TTC3: variants seen among roughly 807,000 people sequenced by gnomAD.
TTC3 encodes tetratricopeptide repeat domain 3.
A neutral mutation model predicts 249.6 loss-of-function variants in TTC3; 180 were observed. The ratio of observed to expected loss-of-function variants is 0.72; its 90% confidence interval spans 0.64 to 0.82. TTC3 has a LOEUF of 0.82. Ranked by LOEUF, TTC3 falls within the 40% of genes least tolerant of loss-of-function variation. TTC3 has a pLI of 0.00. For missense variants in TTC3, 2,061 were observed against 2,398.4 expected (o/e 0.86, Z 2.94); for synonymous variants, 717 against 805.0 (o/e 0.89, Z 1.85).
intron 7 of TTC3, 66 bp downstream of exon 7, chr21:37,091,479 T>A (rs2073254617): frequency 7.2e-7 from 1 of 1,390,160 alleles, no homozygotes; most frequent in South Asian, 1.5e-5. Flanking sequence ...AAATGAGATA[T>A]GTAGTTAAGT....
intron 1 of TTC3, chr21:37,082,548 C>G: frequency 1.0e-6 from 1 of 985,264 alleles, no homozygotes; most frequent in Non-Finnish European, 1.2e-6. Flanking sequence ...TGCTTCTGGC[C>G]CAGGGCTCAG....
chr21:37,200,883 G>A (rs1191463186), intron 45 of TTC3, among the ~76,000 whole-genome samples: 3 of 152,146 alleles, frequency 2.0e-5, no homozygotes, highest in African/African-American at 4.8e-5. Context: ...CCCTTGGAAC[G>A]GGATAAATAC....
Position 37,159,815 on chromosome 21 carries a change from AG to A in TTC3, c.3039+72del. Reference sequence around the variant, plus strand: ...TAAACCAAGGATGAGAAGGGGACCCAGGCCAGTGTTTATTGACATCACAGCC... The same window carrying A: ...TAAACCAAGGATGAGAAGGGGACCCAGCCAGTGTTTATTGACATCACAGCC... On this transcript the variant is annotated intron_variant, in intron 29 of 45. Coordinates refer to ENST00000355666, the Ensembl canonical transcript of TTC3. The A allele has an allele frequency of 2.0e-6, 3 of 1,465,916 alleles. No individual in the cohort carries two copies. The South Asian group carries it at 3.4e-5, about 17-fold the overall frequency. The allele number at this position is 1,465,916 out of a possible 1,614,324, so 90.8% of individuals were successfully genotyped here.
At chr21:37,182,321 T>G (rs970178465) in intron 35 of TTC3, among the ~76,000 whole-genome samples, 1 of 152,220 alleles carries the variant, frequency 6.6e-6, no homozygotes, top group African/African-American at 2.4e-5. Context: ...CAAAGAGGTT[T>G]TCATTTCTCT....
chr21:37,182,100 T>C (rs1303676709), intron 35 of TTC3, among the ~76,000 whole-genome samples: 3 of 152,194 alleles, frequency 2.0e-5, no homozygotes, highest in Non-Finnish European at 1.5e-5. Flanking sequence ...ATGTTTTACT[T>C]ATAAGTGACT....
At chr21:37,150,191 CT>C in intron 24 of TTC3, 21 bp downstream of exon 24, 2 of 1,555,878 alleles carry the variant, frequency 1.3e-6, no homozygotes, top group Non-Finnish European at 1.8e-6. Flanking sequence ...AAGGGGAAAC[CT>C]TGTTAGATAG....
At chr21:37,194,681 A>G (rs2084649604) in intron 41 of TTC3, 1 of 152,212 alleles carries the variant, frequency 6.6e-6, no homozygotes, top group Non-Finnish European at 1.5e-5. Flanking sequence ...TATTGTGAAG[A>G]AGGAAAAAGA....
chr21:37,074,491 G>A (rs1391569644), intron 1 of TTC3, among the ~76,000 whole-genome samples: 1 of 152,160 alleles, frequency 6.6e-6, no homozygotes, highest in Non-Finnish European at 1.5e-5. Context: ...CGGTCCTTAG[G>A]CGTTCTTGAT....
intron 35 of TTC3, among the ~76,000 whole-genome samples, chr21:37,178,682 A>G (rs1255131810): frequency 1.3e-5 from 2 of 152,320 alleles, no homozygotes; most frequent in African/African-American, 4.8e-5. Flanking sequence ...TTTTTGGGCC[A>G]GGTGCGGTGG....
intron 1 of TTC3, among the ~76,000 whole-genome samples, chr21:37,074,457 T>C (rs1346971898): frequency 6.6e-6 from 1 of 152,236 alleles, no homozygotes; most frequent in Non-Finnish European, 1.5e-5. Flanking sequence ...TTTCAAAATA[T>C]ATGCACTCTC....
exon 12 of TTC3, chr21:37,121,819 T>A: frequency 6.3e-7 from 1 of 1,581,384 alleles, no homozygotes. Context: ...TGGAACAGGG[T>A]CATTATCGTT....
intron 39 of TTC3, among the ~76,000 whole-genome samples, chr21:37,189,630 CTCTGCCTCCCGAGT>C (rs2083760089): frequency 1.3e-5 from 2 of 152,124 alleles, no homozygotes; most frequent in African/African-American, 4.8e-5. Flanking sequence ...TCACTGCAAG[CTCTGCCTCCCGAGT>C]TCACGCCATT....
intron 1 of TTC3, among the ~76,000 whole-genome samples, chr21:37,074,488 T>G (rs891409478): frequency 6.6e-6 from 1 of 152,222 alleles, no homozygotes; most frequent in Admixed American, 6.5e-5. Context: ...ATGCGGTCCT[T>G]AGGCGTTCTT....
At chr21:37,128,742 T>A (rs556336068) in intron 15 of TTC3, among the ~76,000 whole-genome samples, 4 of 152,310 alleles carry the variant, frequency 2.6e-5, no homozygotes, top group East Asian at 3.9e-4. Context: ...ACAGGAGTTA[T>A]CTCCTGTATC....
At chr21:37,195,406 A>G (rs1009818032) in intron 41 of TTC3, among the ~76,000 whole-genome samples, 6 of 152,264 alleles carry the variant, frequency 3.9e-5, no homozygotes, top group Non-Finnish European at 8.8e-5. Context: ...GCCAGTAGGC[A>G]GGCAAAATGG....
chr21:37,115,174 TATAATA>T (rs1246754731), intron 11 of TTC3, among the ~76,000 whole-genome samples: 331 of 144,498 alleles, frequency 2.3e-3, no homozygotes, highest in Admixed American at 4.0e-3. Context: ...AAACTTAAAG[TATAATA>T]ATAATAATAA....
At chr21:37,200,081 TAA>T in intron 44 of TTC3, 149 bp from the exon 45 acceptor site, 1 of 522,388 alleles carries the variant, frequency 1.9e-6, no homozygotes, top group Non-Finnish European at 3.4e-6. Context: ...TATTAAAAAA[TAA>T]GTTGTTTCCT....
rs780949579 is a variant in TTC3, at chr21:37,172,591, T to C, written c.4468-4T>C. The stretch of plus-strand genomic sequence containing the variant: ...TAATAGATTGTTTTGTAATTCACTT[T>C]TAGGGGGAAATTTCACGGATTGAAA... On this transcript the variant is annotated splice_region_variant and splice_polypyrimidine_tract_variant and intron_variant, in intron 34 of 45. Coordinates refer to ENST00000355666, the Ensembl canonical transcript of TTC3. 28 of 1,608,602 alleles carry C rather than the reference T, an allele frequency of 1.7e-5. No individual in the cohort carries two copies. The highest frequency in any genetic ancestry group is 3.3e-4 in the Middle Eastern group (2 of 6,052).
chr21:37,089,681 CTT>C (rs36074801), intron 5 of TTC3, among the ~76,000 whole-genome samples: 4 of 151,992 alleles, frequency 2.6e-5, no homozygotes, highest in African/African-American at 4.8e-5. Context: ...GCCCAGTTAA[CTT>C]TTGTATTTTT....
Sources: gnomAD v4.1 joint callset for allele counts (sites outside exome capture counted in the v4.1 genomes callset) on GRCh38, gnomAD v4.1.1 for gene constraint, MANE v1.5 for transcripts, NCBI Gene and HGNC (gene_info 2026-07-23, HGNC 2026-07-21) for gene names.